The following KAT6B variants were observed in gnomAD, a reference collection of about 807,000 sequenced individuals.
KAT6B encodes the protein lysine acetyltransferase 6B.
Under a neutral mutation model 187.5 loss-of-function variants are expected in KAT6B, and 10 were observed. The observed-to-expected ratio is 0.05, with a 90% CI of 0.03 to 0.09. The LOEUF (loss-of-function observed/expected upper bound fraction) is 0.09. Among genes scored for constraint, KAT6B ranks in the 10% least tolerant of loss-of-function variants. KAT6B has a pLI of 1.00. For missense variants in KAT6B, 1,952 were observed against 2,558.9 expected (o/e 0.76, Z 5.12); for synonymous variants, 861 against 926.8 (o/e 0.93, Z 1.29).
chr10:74,895,966 T>G (rs1294894994), intron 3 of KAT6B, among the ~76,000 whole-genome samples: 2 of 152,136 alleles, frequency 1.3e-5, no homozygotes, highest in African/African-American at 4.8e-5. Flanking sequence ...TGTTGTTTTT[T>G]TTTGCCTGAA....
intron 13 of KAT6B, among the ~76,000 whole-genome samples, chr10:74,991,471 C>CT (rs776935284): frequency 1.3e-5 from 2 of 152,092 alleles, no homozygotes; most frequent in Admixed American, 6.5e-5. Flanking sequence ...AATGCTATGT[C>CT]TTTTTTTTAA....
chr10:74,892,092 G>A (rs993894815), intron 3 of KAT6B, among the ~76,000 whole-genome samples: 18 of 152,232 alleles, frequency 1.2e-4, no homozygotes, highest in Admixed American at 3.3e-4. Context: ...GACAGGCTGA[G>A]TGTGGTGGCT....
chr10:74,909,421 A>G (rs761415730), intron 3 of KAT6B, among the ~76,000 whole-genome samples: 2 of 152,184 alleles, frequency 1.3e-5, no homozygotes, highest in African/African-American at 2.4e-5. Context: ...CCTTATATCT[A>G]TTTTAGGGTT....
intron 11 of KAT6B, chr10:74,982,271 C>G: frequency 3.1e-6 from 1 of 320,730 alleles, no homozygotes; most frequent in East Asian, 8.3e-5. Context: ...GCAGCTCCAG[C>G]CAATGTCTGG....
Position 75,013,693 on chromosome 10 carries a change from C to T in KAT6B, c.2630-6889C>T, listed in dbSNP as rs555657398. Reference sequence around the variant, plus strand: ...AACACTTATTAGGATTACTGTGATGCGTCAAGCACTGTTCTGCATGTTTCA... The same window carrying T: ...AACACTTATTAGGATTACTGTGATGTGTCAAGCACTGTTCTGCATGTTTCA... On this transcript the variant is annotated intron_variant, in intron 13 of 17. Transcript: ENST00000287239. Among the ~76,000 whole-genome samples, 9 of 152,268 alleles carry T rather than the reference C, an allele frequency of 5.9e-5. No homozygotes were observed. In the East Asian group the frequency reaches 1.5e-3, roughly 26 times the overall value.
chr10:74,972,086 A>AT (rs1014669690), intron 6 of KAT6B, among the ~76,000 whole-genome samples: 8 of 151,204 alleles, frequency 5.3e-5, no homozygotes, highest in East Asian at 3.9e-4. Flanking sequence ...TATACTGATA[A>AT]TTTTTTTTTA....
intron 3 of KAT6B, among the ~76,000 whole-genome samples, chr10:74,886,081 G>T (rs74608610): frequency 0.011 from 1,625 of 152,258 alleles, 28 homozygotes; most frequent in African/African-American, 0.037. Context: ...TGCCAACTGG[G>T]TTATCATCAG....
intron 2 of KAT6B, among the ~76,000 whole-genome samples, chr10:74,840,153 G>C (rs1447945701): frequency 6.6e-6 from 1 of 152,200 alleles, no homozygotes; most frequent in East Asian, 1.9e-4. Context: ...ATGACCACTT[G>C]TGTGGCAGGG....
At position 74,976,579 on chromosome 10, in the gene KAT6B, A is replaced by G. The variant is rs1466342790; in HGVS notation, c.1993+249A>G. On this transcript the variant is annotated intron_variant, in intron 8 of 17. Coordinates refer to ENST00000287239, the MANE Select transcript of KAT6B (RefSeq NM_012330.4). Reference sequence around the variant, plus strand: ...ATTTATTTCCATTCGTAGTGACACTAGGACCCCCAGATGCCTTCATAGCAT... The same window carrying G: ...ATTTATTTCCATTCGTAGTGACACTGGGACCCCCAGATGCCTTCATAGCAT... 7.3e-6 allele frequency: 4 copies of G among 549,084 alleles called. No homozygotes were observed. In the African/African-American group the frequency reaches 7.6e-5, roughly 10 times the overall value. The allele number at this position is 549,084 out of a possible 1,614,324, so 34.0% of individuals were successfully genotyped here.
intron 3 of KAT6B, among the ~76,000 whole-genome samples, chr10:74,903,449 G>A (rs960007550): frequency 2.0e-5 from 3 of 152,196 alleles, no homozygotes; most frequent in Non-Finnish European, 4.4e-5. Flanking sequence ...TGTTGACTGC[G>A]AAGATGAAAG....
intron 6 of KAT6B, 71 bp from the exon 7 acceptor site, chr10:74,972,436 A>G: frequency 8.5e-7 from 1 of 1,170,758 alleles, no homozygotes; most frequent in East Asian, 2.6e-5. Context: ...TATTACAGCT[A>G]CAACTTATAT....
intron 13 of KAT6B, among the ~76,000 whole-genome samples, chr10:75,017,143 A>G (rs941174811): frequency 4.6e-5 from 7 of 151,936 alleles, no homozygotes; most frequent in African/African-American, 7.2e-5. Flanking sequence ...GATTACAGGC[A>G]TGAGCCACCG....
At chr10:74,842,536 A>G in intron 2 of KAT6B, 64 bp from the exon 3 acceptor site, 4 of 534,774 alleles carry the variant, frequency 7.5e-6, no homozygotes, top group Middle Eastern at 4.8e-4. Context: ...ATGCTAAAGA[A>G]TCTTTTAGTT....
At chr10:75,000,642 A>T (rs1843766316) in intron 13 of KAT6B, among the ~76,000 whole-genome samples, 1 of 152,200 alleles carries the variant, frequency 6.6e-6, no homozygotes, top group African/African-American at 2.4e-5. Flanking sequence ...GTTAAGTTAA[A>T]TATCAGTTAA....
chr10:74,986,461 C>T (rs1185117724), intron 12 of KAT6B, among the ~76,000 whole-genome samples: 1 of 152,072 alleles, frequency 6.6e-6, no homozygotes, highest in African/African-American at 2.4e-5. Context: ...ATAGAAGTGC[C>T]ATTTTAATGA....
chr10:74,836,858 C>A (rs1323756770), intron 1 of KAT6B, among the ~76,000 whole-genome samples: 1 of 152,028 alleles, frequency 6.6e-6, no homozygotes, highest in Non-Finnish European at 1.5e-5. Context: ...CAACAGTGAT[C>A]CCTTTGGGGA....
intron 13 of KAT6B, among the ~76,000 whole-genome samples, chr10:75,013,559 T>G (rs1000491928): frequency 6.6e-6 from 1 of 152,178 alleles, no homozygotes; most frequent in African/African-American, 2.4e-5. Flanking sequence ...CTCTGTTGTT[T>G]CCCTTCTGTC....
intron 12 of KAT6B, among the ~76,000 whole-genome samples, chr10:74,986,286 AC>A (rs1218515695): frequency 6.6e-6 from 1 of 152,220 alleles, no homozygotes; most frequent in African/African-American, 2.4e-5. Flanking sequence ...TTTCTGAGGT[AC>A]CTAGGAAATA....
At chr10:74,968,309 G>T (rs1841614619) in intron 4 of KAT6B, among the ~76,000 whole-genome samples, 1 of 152,052 alleles carries the variant, frequency 6.6e-6, no homozygotes, top group African/African-American at 2.4e-5. Context: ...ATCTGCCTGG[G>T]TGTCTCTCCT....
Sources: allele counts gnomAD v4.1 joint callset (sites outside exome capture counted in the v4.1 genomes callset), GRCh38; gene constraint gnomAD v4.1.1; transcripts MANE v1.5; gene names NCBI Gene and HGNC (gene_info 2026-07-23, HGNC 2026-07-21).